The following LRRC4C variants were observed in gnomAD, a reference collection of about 807,000 sequenced individuals.
LRRC4C encodes leucine-rich repeat-containing protein 4C.
In LRRC4C, 5 loss-of-function variants were observed where a neutral mutation model predicts 33.6. The ratio of observed to expected loss-of-function variants is 0.15; its 90% confidence interval spans 0.08 to 0.31. LRRC4C has a LOEUF of 0.31. Among genes scored for constraint, LRRC4C ranks in the 10% least tolerant of loss-of-function variants. The probability of loss-of-function intolerance (pLI) is 1.00; values close to 1 mark genes in which losing one functional copy is unlikely to be tolerated. For missense variants in LRRC4C, 560 were observed against 796.7 expected (o/e 0.70, Z 3.58); for synonymous variants, 329 against 302.0 (o/e 1.09, Z -0.93).
chr11:41,345,972 G>GA (rs1555152916), intron 1 of LRRC4C, among the ~76,000 whole-genome samples: 5 of 151,922 alleles, frequency 3.3e-5, no homozygotes, highest in African/African-American at 1.2e-4. Context: ...CTATACATAT[G>GA]TTTTTCCAGA....
At chr11:41,235,404 T>A (rs1445547500) in intron 1 of LRRC4C, among the ~76,000 whole-genome samples, 1 of 152,110 alleles carries the variant, frequency 6.6e-6, no homozygotes, top group Non-Finnish European at 1.5e-5. Flanking sequence ...TTCACCTGCA[T>A]GAAGCAGTAT....
At position 40,167,451 on chromosome 11, in the gene LRRC4C, A is replaced by G. The variant is rs112447475; in HGVS notation, c.-95-26598T>C. On this transcript the variant is annotated intron_variant, in intron 5 of 6. Transcript: ENST00000528697. ...AATCATGTGATTTTATGTTTGGGTA[A>G]ATGTGTCAACGTGAACATTAGTCAC... Among the ~76,000 whole-genome samples, 914 of 152,250 alleles carry G rather than the reference A, an allele frequency of 6.0e-3. 3 individuals are homozygous for G. The highest frequency in any genetic ancestry group is 9.7e-3 in the Non-Finnish European group (659 of 68,016).
At chr11:40,899,051 A>G (rs1956093977) in intron 2 of LRRC4C, among the ~76,000 whole-genome samples, 1 of 152,130 alleles carries the variant, frequency 6.6e-6, no homozygotes, top group Non-Finnish European at 1.5e-5. Flanking sequence ...ATCACATACA[A>G]GCAAGTATTT....
chr11:40,718,184 G>A lies in LRRC4C; in HGVS notation c.-406-69906C>T, dbSNP rs184151668. Among the ~76,000 whole-genome samples the A allele has an allele frequency of 2.2e-3, 340 of 152,284 alleles. 2 individuals are homozygous for A. Among genetic ancestry groups the A allele is most frequent in the African/African-American group, 6.9e-3 (286 of 41,558 alleles). On this transcript the variant is annotated intron_variant, in intron 2 of 6. Coordinates refer to ENST00000528697, the MANE Select transcript of LRRC4C (RefSeq NM_001258419.2). ...GCCTGCATAACACAGGGCAGTGGCC[G>A]TCAGTCATGAGTGATTTTGTTCACC...
chr11:41,051,597 A>C (rs550515506), intron 1 of LRRC4C, among the ~76,000 whole-genome samples: 13 of 135,392 alleles, frequency 9.6e-5, no homozygotes, highest in African/African-American at 3.4e-4. Context: ...GATTTTTAAA[A>C]ATTTTTATTT....
At chr11:41,063,956 G>A (rs1459448798) in intron 1 of LRRC4C, among the ~76,000 whole-genome samples, 3 of 152,120 alleles carry the variant, frequency 2.0e-5, no homozygotes, top group Non-Finnish European at 4.4e-5. Context: ...AGAATTGGCA[G>A]GTCTTTGTGA....
At chr11:40,135,798 C>G (rs1159652684) in intron 6 of LRRC4C, among the ~76,000 whole-genome samples, 1 of 152,174 alleles carries the variant, frequency 6.6e-6, no homozygotes, top group Non-Finnish European at 1.5e-5. Context: ...CTTAAACTTT[C>G]CATACCCATC....
chr11:40,122,732 T>C (rs1254167778), intron 6 of LRRC4C, among the ~76,000 whole-genome samples: 1 of 151,850 alleles, frequency 6.6e-6, no homozygotes, highest in Non-Finnish European at 1.5e-5. Flanking sequence ...TAAAATGTGA[T>C]TGAATCTCAA....
At chr11:40,768,738 A>G (rs1949604983) in intron 2 of LRRC4C, among the ~76,000 whole-genome samples, 1 of 152,138 alleles carries the variant, frequency 6.6e-6, no homozygotes, top group Admixed American at 6.5e-5. Flanking sequence ...GGAAAAAAAC[A>G]TATGATCATT....
At chr11:40,189,018 T>C (rs1861623716) in intron 5 of LRRC4C, among the ~76,000 whole-genome samples, 1 of 152,190 alleles carries the variant, frequency 6.6e-6, no homozygotes. Flanking sequence ...GCAAACACGA[T>C]TGTGTGTCAA....
At chr11:40,971,236 G>T (rs1280217876) in intron 1 of LRRC4C, among the ~76,000 whole-genome samples, 1 of 152,214 alleles carries the variant, frequency 6.6e-6, no homozygotes, top group Non-Finnish European at 1.5e-5. Context: ...CAAAAGCCCA[G>T]AAGCTTAGAA....
At chr11:41,001,185 T>A (rs1385521641) in intron 1 of LRRC4C, among the ~76,000 whole-genome samples, 1 of 152,078 alleles carries the variant, frequency 6.6e-6, no homozygotes, top group Non-Finnish European at 1.5e-5. Flanking sequence ...GCTACAAAGA[T>A]CATATAGGTA....
At chr11:40,410,666 T>C (rs1950125681) in intron 3 of LRRC4C, among the ~76,000 whole-genome samples, 1 of 152,122 alleles carries the variant, frequency 6.6e-6, no homozygotes, top group Non-Finnish European at 1.5e-5. Flanking sequence ...CAAGGCACTT[T>C]TTTTATATCA....
chr11:40,377,440 A>G (rs1948704600), intron 3 of LRRC4C, among the ~76,000 whole-genome samples: 1 of 152,184 alleles, frequency 6.6e-6, no homozygotes, highest in East Asian at 1.9e-4. Flanking sequence ...TTACTTGCCT[A>G]TGTTTCAATG....
intron 4 of LRRC4C, among the ~76,000 whole-genome samples, chr11:40,302,519 A>G (rs953072662): frequency 6.6e-6 from 1 of 152,070 alleles, no homozygotes; most frequent in Non-Finnish European, 1.5e-5. Context: ...GAAGAGGCCC[A>G]TCCTTCTTTT....
intron 1 of LRRC4C, among the ~76,000 whole-genome samples, chr11:41,334,294 T>C (rs1392827360): frequency 6.6e-6 from 1 of 152,210 alleles, no homozygotes; most frequent in African/African-American, 2.4e-5. Flanking sequence ...TCCTAATACC[T>C]TTTTGGCAAC....
intron 1 of LRRC4C, among the ~76,000 whole-genome samples, chr11:41,134,304 G>T (rs1439896712): frequency 6.6e-6 from 1 of 152,020 alleles, no homozygotes; most frequent in African/African-American, 2.4e-5. Flanking sequence ...GACTCTCTCT[G>T]TGCTGAACAA....
At chr11:40,615,267 C>T (rs1038350171) in intron 3 of LRRC4C, among the ~76,000 whole-genome samples, 1,902 of 19,824 alleles carry the variant, frequency 0.096, 44 homozygotes, top group African/African-American at 0.18. Context: ...TATATATATA[C>T]ACACACACAC....
chr11:40,210,936 C>T (rs1233060790), intron 5 of LRRC4C, among the ~76,000 whole-genome samples: 2 of 149,232 alleles, frequency 1.3e-5, no homozygotes, highest in African/African-American at 5.2e-5. Flanking sequence ...CCATGCCTGG[C>T]TAATTTTTTT....
Sources: gnomAD v4.1 joint callset for allele counts (sites outside exome capture counted in the v4.1 genomes callset) on GRCh38, gnomAD v4.1.1 for gene constraint, MANE v1.5 for transcripts, NCBI Gene and HGNC (gene_info 2026-07-23, HGNC 2026-07-21) for gene names.